The following DRC12 variants were observed in gnomAD, a reference collection of about 807,000 sequenced individuals.
DRC12 encodes dynein regulatory complex protein 12.
the DRC12 span, chr11:119,195,463 C>T: frequency 6.4e-7 from 1 of 1,551,454 alleles, no homozygotes; most frequent in South Asian, 1.2e-5. Flanking sequence ...GATTTCTTCC[C>T]TTTTTCTTTG....
the DRC12 span, chr11:119,195,567 A>T: frequency 8.7e-7 from 1 of 1,146,406 alleles, no homozygotes; most frequent in Non-Finnish European, 1.3e-6. Flanking sequence ...TTTAGACTGA[A>T]CCAGGAGACT....
the DRC12 span, chr11:119,195,445 G>A: frequency 2.4e-5 from 38 of 1,551,316 alleles, no homozygotes; most frequent in Middle Eastern, 1.7e-4. Flanking sequence ...TTCTTCTTCT[G>A]TGCCCCAGAT....
chr11:119,195,822 G>T, the DRC12 span: 1 of 228,898 alleles, frequency 4.4e-6, no homozygotes. Context: ...TCCTGCCAGC[G>T]TTGGGGCTCC....
chr11:119,192,685 T>C, the DRC12 span, among the ~76,000 whole-genome samples: 102 of 152,244 alleles, frequency 6.7e-4, 1 homozygote, highest in East Asian at 0.013. Context: ...CTTGCTCTGT[T>C]GCCCAGGCTG....
chr11:119,191,960 A>G, the DRC12 span, among the ~76,000 whole-genome samples: 1 of 149,520 alleles, frequency 6.7e-6, no homozygotes, highest in African/African-American at 2.5e-5. Flanking sequence ...CTGGCCATCT[A>G]TAGCTAAACC....
At chr11:119,190,258 G>GTT in the DRC12 span, 1 of 1,610,404 alleles carries the variant, frequency 6.2e-7, no homozygotes, top group Non-Finnish European at 8.5e-7. This position sits in a 1 kb window ranked among gnomAD's most constrained non-coding sequence, Gnocchi z 4.2. Context: ...GCTCTATTGA[G>GTT]TTCTACATCA....
At chr11:119,191,096 GTCT>G in the DRC12 span, among the ~76,000 whole-genome samples, 1 of 148,580 alleles carries the variant, frequency 6.7e-6, no homozygotes, top group South Asian at 2.1e-4. Flanking sequence ...GAGCCTTGGT[GTCT>G]TCATCTTTTT....
At chr11:119,193,975 A>T in the DRC12 span, 5 of 1,328,968 alleles carry the variant, frequency 3.8e-6, no homozygotes, top group East Asian at 2.6e-5. Context: ...CACCTCTAGA[A>T]ATCTGGTGGT....
chr11:119,194,994 C>T, the DRC12 span: 3 of 1,550,988 alleles, frequency 1.9e-6, no homozygotes, highest in Non-Finnish European at 8.7e-7. Flanking sequence ...CACATCTGCA[C>T]CTGCGGTGGC....
chr11:119,191,798 A>G, the DRC12 span, among the ~76,000 whole-genome samples: 6 of 151,910 alleles, frequency 3.9e-5, no homozygotes, highest in African/African-American at 1.2e-4. Flanking sequence ...CCAGAGTGAA[A>G]CTCCGTCTCA....
the DRC12 span, chr11:119,193,320 G>C: frequency 4.8e-6 from 6 of 1,249,514 alleles, no homozygotes; most frequent in African/African-American, 8.9e-5. Context: ...AGTTGTGGGT[G>C]GGGAAGACTC....
chr11:119,190,524 A>C, the DRC12 span: 5 of 1,600,060 alleles, frequency 3.1e-6, no homozygotes, highest in Non-Finnish European at 4.3e-6. The surrounding 1 kb of genome is among the most constrained non-coding windows in gnomAD (Gnocchi z 4.2). Context: ...AGGTTGGTTC[A>C]TAAGCTTTCC....
the DRC12 span, chr11:119,190,663 G>T: frequency 6.3e-7 from 1 of 1,592,950 alleles, no homozygotes; most frequent in Non-Finnish European, 8.6e-7. This position sits in a 1 kb window ranked among gnomAD's most constrained non-coding sequence, Gnocchi z 4.2. Flanking sequence ...TGGGCATGGG[G>T]GAGTCCTGGG....
the DRC12 span, among the ~76,000 whole-genome samples, chr11:119,191,738 G>A: frequency 6.6e-6 from 1 of 152,032 alleles, no homozygotes; most frequent in South Asian, 2.1e-4. Context: ...AACGTAGGAG[G>A]TGGAGGTTGC....
chr11:119,190,547 C>T, the DRC12 span: 1 of 1,571,976 alleles, frequency 6.4e-7, no homozygotes, highest in Non-Finnish European at 8.7e-7. This position sits in a 1 kb window ranked among gnomAD's most constrained non-coding sequence, Gnocchi z 4.2. Flanking sequence ...GCCCAGTAGA[C>T]ATGGTCGTAT....
the DRC12 span, chr11:119,190,340 G>C: frequency 6.2e-7 from 1 of 1,614,010 alleles, no homozygotes; most frequent in Non-Finnish European, 8.5e-7. The surrounding 1 kb of genome is among the most constrained non-coding windows in gnomAD (Gnocchi z 4.2). Context: ...TCCAGGGGGG[G>C]TGAGTCCAAA....
At chr11:119,194,033 T>G in the DRC12 span, 12 of 777,954 alleles carry the variant, frequency 1.5e-5, no homozygotes, top group East Asian at 3.4e-4. Context: ...TGTTTTTGTT[T>G]TTTATCCCTA....
the DRC12 span, chr11:119,193,538 C>A: frequency 7.2e-7 from 1 of 1,396,160 alleles, no homozygotes; most frequent in Non-Finnish European, 9.4e-7. Flanking sequence ...TACACAGCAT[C>A]AAGCACATGG....
the DRC12 span, among the ~76,000 whole-genome samples, chr11:119,191,435 CAG>C: frequency 6.6e-6 from 1 of 152,006 alleles, no homozygotes; most frequent in Non-Finnish European, 1.5e-5. Flanking sequence ...ACACATCCCT[CAG>C]GGGCATGCTG....
Sources: allele counts gnomAD v4.1 joint callset (sites outside exome capture counted in the v4.1 genomes callset), GRCh38; gene constraint gnomAD v4.1.1; non-coding constraint Gnocchi (gnomAD v3.1); transcripts MANE v1.5; gene names NCBI Gene and HGNC (gene_info 2026-07-23, HGNC 2026-07-21).